Variants in XPNPEP1 observed in about 807,000 individuals in gnomAD.
XPNPEP1 encodes xaa-Pro aminopeptidase 1.
Under a neutral mutation model 92.4 loss-of-function variants are expected in XPNPEP1, and 39 were observed. That is an observed-to-expected ratio of 0.42 (90% CI 0.33 to 0.55). The LOEUF is 0.55. Ranked by LOEUF, XPNPEP1 falls within the 20% of genes least tolerant of loss-of-function variation. XPNPEP1 has a pLI of 0.08. For synonymous variants in XPNPEP1, 307 were observed against 299.4 expected (o/e 1.03, Z -0.26); for missense variants, 654 against 856.1 (o/e 0.76, Z 2.95).
chr10:109,888,010 A>G, intron 7 of XPNPEP1, 39 bp downstream of exon 7: 1 of 1,607,670 alleles, frequency 6.2e-7, no homozygotes, highest in Non-Finnish European at 8.5e-7. Context: ...TGGGGGGACA[A>G]TGGCAGGGGC....
chr10:109,920,928 T>C (rs1425966467), intron 1 of XPNPEP1, among the ~76,000 whole-genome samples: 5 of 152,136 alleles, frequency 3.3e-5, no homozygotes, highest in Admixed American at 2.6e-4. Context: ...TATAACTCAG[T>C]AGCCGCAAAG....
intron 2 of XPNPEP1, among the ~76,000 whole-genome samples, chr10:109,912,762 T>C (rs1849948941): frequency 6.6e-6 from 1 of 152,230 alleles, no homozygotes; most frequent in African/African-American, 2.4e-5. Flanking sequence ...TGCAATGTGA[T>C]AAATTGTGTA....
At chr10:109,907,871 C>T (rs903412714) in intron 2 of XPNPEP1, 56 bp from the exon 3 acceptor site, 1 of 1,604,990 alleles carries the variant, frequency 6.2e-7, no homozygotes. Context: ...AATTCAACGT[C>T]CAGTTCGAAG....
At chr10:109,916,575 G>C (rs1372963920) in intron 1 of XPNPEP1, among the ~76,000 whole-genome samples, 1 of 152,218 alleles carries the variant, frequency 6.6e-6, no homozygotes, top group African/African-American at 2.4e-5. Flanking sequence ...TAACCAGGCA[G>C]CTTTACCAAT....
At chr10:109,884,612 A>G in intron 8 of XPNPEP1, 1 of 153,142 alleles carries the variant, frequency 6.5e-6, no homozygotes, top group Non-Finnish European at 1.5e-5. Flanking sequence ...CTCCTCTGTA[A>G]GGGTCAGTGA....
At position 109,893,730 on chromosome 10, in the gene XPNPEP1, T is replaced by G. The variant is rs561335289; in HGVS notation, c.247-655A>C. On this transcript the variant is annotated intron_variant, in intron 3 of 20. Transcript: ENST00000502935. ...AGGGAGTGAAGAAAGTAAGAAATTC[T>G]TACGCGTGGGCAAAGGGTACAAGTC... 1.2e-4 allele frequency among the ~76,000 whole-genome samples: 19 copies of G among 152,344 alleles called. No homozygotes were observed. The East Asian group carries it at 3.3e-3, about 26-fold the overall frequency.
intron 3 of XPNPEP1, among the ~76,000 whole-genome samples, chr10:109,896,433 CTTTT>C (rs11419765): frequency 8.2e-6 from 1 of 121,782 alleles, no homozygotes. Flanking sequence ...AGGCACACAC[CTTTT>C]TTTTTTTTTT....
Position 109,882,504 on chromosome 10 carries a change from A to G in XPNPEP1, c.969T>C (p.Ala323=). The G allele has an allele frequency of 6.2e-7, 1 of 1,614,226 alleles. No individual in the cohort carries two copies. Among genetic ancestry groups the G allele is most frequent in the Non-Finnish European group, 8.5e-7 (1 of 1,180,030 alleles). Residue 323 remains alanine (A), a synonymous_variant, in exon 10 of 21, where the codon GCT becomes GCC. Coordinates refer to ENST00000502935, the MANE Select transcript of XPNPEP1 (RefSeq NM_020383.4). ...ACACCTTCTCCCTTGGGGAGAGGTC[A>G]GCACACAGGGCCTTGAGCTCGCTCA... ...SILSELKALC[A]DLSPREKVWV...
Position 109,910,597 on chromosome 10 carries a change from T to A in XPNPEP1, c.122-2782A>T, listed in dbSNP as rs534787959. Among the ~76,000 whole-genome samples, 11 of 152,316 alleles carry A rather than the reference T, an allele frequency of 7.2e-5. No individual in the cohort carries two copies. The South Asian group carries it at 2.3e-3, about 32-fold the overall frequency. ...TTTAAGGTTCCTCTATGTCTTTTGA[T>A]TGCTTGATAGCTCATTTTTTTAGCC... On this transcript the variant is annotated intron_variant, in intron 2 of 20. Transcript: ENST00000502935.
Position 109,905,036 on chromosome 10 carries a change from TA to T in XPNPEP1, c.246+2654del, listed in dbSNP as rs530733705. Among the ~76,000 whole-genome samples the T allele has an allele frequency of 2.8e-3, 405 of 144,898 alleles. 2 individuals are homozygous for T. The South Asian group carries it at 0.03, about 11-fold the overall frequency. On this transcript the variant is annotated intron_variant, in intron 3 of 20. Transcript: ENST00000502935. ...AATGACCATCCACAGATGAACAGGTTAAAAAAAAAAAGTCTCTAAATAAAAT... is the reference window on the plus strand; with the variant it reads ...AATGACCATCCACAGATGAACAGGTTAAAAAAAAAAGTCTCTAAATAAAAT...
At chr10:109,866,185 C>G (rs1343678982) in intron 20 of XPNPEP1, among the ~76,000 whole-genome samples, 2 of 152,178 alleles carry the variant, frequency 1.3e-5, no homozygotes, top group African/African-American at 4.8e-5. Flanking sequence ...TTTTGGAGGG[C>G]AGCGATGTTA....
At chr10:109,887,948 GC>G (rs1848484299) in intron 7 of XPNPEP1, 100 bp downstream of exon 7, 1 of 1,501,802 alleles carries the variant, frequency 6.7e-7, no homozygotes, top group South Asian at 1.4e-5. Flanking sequence ...CCTCCTGTCA[GC>G]TCCAACTCGA....
chr10:109,892,855 G>A lies in XPNPEP1; in HGVS notation c.310+157C>T, dbSNP rs192822142. Among the ~76,000 whole-genome samples, 1,491 of 152,296 alleles carry A rather than the reference G, an allele frequency of 9.8e-3. 32 individuals carry two copies. The highest frequency in any genetic ancestry group is 0.032 in the African/African-American group (1,340 of 41,548). On this transcript the variant is annotated intron_variant, in intron 4 of 20. Transcript: ENST00000502935. ...CTGAAAGGTGACCTTGGGGAGCAGGGAAAGACTGGGAACCCACACCTTTCT... is the reference window on the plus strand; with the variant it reads ...CTGAAAGGTGACCTTGGGGAGCAGGAAAAGACTGGGAACCCACACCTTTCT...
chr10:109,899,967 G>T (rs143244150), intron 3 of XPNPEP1, among the ~76,000 whole-genome samples: 3 of 152,182 alleles, frequency 2.0e-5, no homozygotes, highest in Non-Finnish European at 2.9e-5. Context: ...GATTACCAGA[G>T]AGAACAGACG....
At chr10:109,915,172 C>T (rs1252145209) in intron 1 of XPNPEP1, 73 bp from the exon 2 acceptor site, 2 of 852,002 alleles carry the variant, frequency 2.3e-6, no homozygotes, top group East Asian at 6.0e-5. Context: ...TTAGAGGAGG[C>T]ATCGCTTAAC....
chr10:109,890,687 T>C (rs1848661340), intron 5 of XPNPEP1, among the ~76,000 whole-genome samples: 1 of 151,458 alleles, frequency 6.6e-6, no homozygotes, highest in African/African-American at 2.4e-5. Flanking sequence ...GTTTTTATAT[T>C]TATGAAATGA....
At chr10:109,915,165 G>C (rs1850117059) in intron 1 of XPNPEP1, 66 bp from the exon 2 acceptor site, 4 of 998,762 alleles carry the variant, frequency 4.0e-6, no homozygotes, top group Non-Finnish European at 4.3e-6. Flanking sequence ...GGCTCAGTTA[G>C]AGGAGGCATC....
chr10:109,871,581 G>C lies in XPNPEP1; in HGVS notation c.1522+211C>G, dbSNP rs189368829. On this transcript the variant is annotated intron_variant, in intron 17 of 20. Coordinates refer to ENST00000502935, the MANE Select transcript of XPNPEP1 (RefSeq NM_020383.4). The stretch of plus-strand genomic sequence containing the variant: ...AAGTGGTCAGGAGAATGGTGCACAG[G>C]GGGTACTGGGCCCAATCCTAACCCG... Among the ~76,000 whole-genome samples the C allele has an allele frequency of 2.0e-4, 30 of 152,296 alleles. No individual in the cohort carries two copies. The East Asian group carries it at 3.9e-3, about 20-fold the overall frequency.
intron 6 of XPNPEP1, 139 bp from the exon 7 acceptor site, chr10:109,888,331 T>C: frequency 1.5e-6 from 2 of 1,322,564 alleles, no homozygotes; most frequent in South Asian, 3.0e-5. Context: ...TGAGGAACTG[T>C]AAAAGCACAT....
Sources: gnomAD v4.1 joint callset for allele counts (sites outside exome capture counted in the v4.1 genomes callset) on GRCh38, gnomAD v4.1.1 for gene constraint, MANE v1.5 for transcripts, NCBI Gene and HGNC (gene_info 2026-07-23, HGNC 2026-07-21) for gene names.